Variants in INPP4A observed in about 807,000 individuals in gnomAD.
INPP4A encodes the protein inositol polyphosphate-4-phosphatase type I A, also known as inositol polyphosphate-4-phosphatase, type I, 107kD.
Under a neutral mutation model 119.8 loss-of-function variants are expected in INPP4A, and 33 were observed. That is an observed-to-expected ratio of 0.28 (90% CI 0.21 to 0.37). INPP4A has a LOEUF of 0.37. INPP4A is among the 10% of genes least tolerant of loss of function. INPP4A has a pLI of 1.00. For synonymous variants in INPP4A, 496 were observed against 500.7 expected (o/e 0.99, Z 0.12); for missense variants, 956 against 1,289.9 (o/e 0.74, Z 3.97).
At chr2:98,549,923 C>T (rs1020479231) in intron 13 of INPP4A, among the ~76,000 whole-genome samples, 4 of 152,152 alleles carry the variant, frequency 2.6e-5, no homozygotes, top group African/African-American at 9.7e-5. Context: ...GCCTCCCCTC[C>T]CTGCCTTTTC....
intron 1 of INPP4A, among the ~76,000 whole-genome samples, chr2:98,452,270 C>G (rs550698157): frequency 7.2e-5 from 11 of 152,258 alleles, no homozygotes; most frequent in African/African-American, 2.6e-4. Context: ...TTGGCTTAGG[C>G]TGGTGGTCCT....
chr2:98,517,719 A>T (rs543930291), intron 1 of INPP4A, among the ~76,000 whole-genome samples: 1 of 152,226 alleles, frequency 6.6e-6, no homozygotes, highest in East Asian at 1.9e-4. Flanking sequence ...GGGCATTTGG[A>T]TTGCTTTATT....
At chr2:98,503,014 C>T (rs1415370934) in intron 1 of INPP4A, among the ~76,000 whole-genome samples, 1 of 152,110 alleles carries the variant, frequency 6.6e-6, no homozygotes, top group African/African-American at 2.4e-5. Flanking sequence ...CTTTAGAACC[C>T]CTGGAGACCT....
intron 1 of INPP4A, among the ~76,000 whole-genome samples, chr2:98,488,381 G>A (rs1311709747): frequency 6.6e-6 from 1 of 152,180 alleles, no homozygotes. Context: ...AAATGGCAGC[G>A]GCAGCAAGAA....
In INPP4A at chr2:98,554,606, T is replaced by C; in HGVS notation, c.1566+117T>C. 1 of 865,280 alleles carries C rather than the reference T, an allele frequency of 1.2e-6. No individual in the cohort carries two copies. The highest frequency in any genetic ancestry group is 1.7e-5 in the South Asian group (1 of 59,202). The allele number at this position is 865,280 out of a possible 1,614,324, so 53.6% of individuals were successfully genotyped here. A position where few individuals can be genotyped will look rare whatever the true frequency, so the allele number is the denominator to read the frequency against. On this transcript the variant is annotated intron_variant, in intron 15 of 24. Coordinates refer to ENST00000409851, the MANE Select transcript of INPP4A (RefSeq NM_001134225.2). The surrounding 1 kb of genome is among the most constrained non-coding windows in gnomAD (Gnocchi z 4.7). ...CAAGGTTCAACTGCTGTGAACAAGC[T>C]CCAGGTTTCCTTCCTGGATGGCTCC... is the stretch of plus-strand genomic sequence containing the variant.
rs1178721390 is a variant in INPP4A, at chr2:98,533,427, G to A, written c.202G>A (p.Val68Ile). ...PSLDRKPNSF[V>I]AVSVTTPPQA... ...GCTAGATCGAAAGCCAAATAGTTTT[G>A]TTGCGGTGAGTGTCACCACCCCTCC... Residue 68 changes from valine (V) to isoleucine (I), a missense_variant, in exon 5 of 25, where the codon GTT (valine) becomes ATT (isoleucine). Physicochemically the swap from Val to Ile is conservative, Grantham distance 29. Transcript: ENST00000409851. The A allele has an allele frequency of 1.9e-6, 3 of 1,613,786 alleles. No homozygotes were observed. The South Asian group carries it at 3.3e-5, about 18-fold the overall frequency.
chr2:98,535,553 G>A (rs796094464), intron 5 of INPP4A, among the ~76,000 whole-genome samples, 176 bp from the exon 6 acceptor site: 20 of 150,346 alleles, frequency 1.3e-4, no homozygotes, highest in African/African-American at 4.8e-4. Flanking sequence ...CTTTTAAAAA[G>A]CAGAGTTTTT....
chr2:98,465,147 A>G (rs543073430), intron 1 of INPP4A, among the ~76,000 whole-genome samples: 195 of 152,296 alleles, frequency 1.3e-3, no homozygotes, highest in African/African-American at 4.4e-3. Context: ...AGCGAAAGGA[A>G]CTTATTCTCT....
At chr2:98,495,468 T>A (rs965213021) in intron 1 of INPP4A, among the ~76,000 whole-genome samples, 1 of 152,256 alleles carries the variant, frequency 6.6e-6, no homozygotes, top group Non-Finnish European at 1.5e-5. Flanking sequence ...AGATTTATTC[T>A]GAGCCAAATA....
In INPP4A at chr2:98,519,974, T is replaced by A; in HGVS notation, c.-75T>A. Reference sequence around the variant, plus strand: ...TACTGCCACTTTAGTGGACTAGGGCTCGGTGCCAGCACTTCCCGGGTAATC... The same window carrying A: ...TACTGCCACTTTAGTGGACTAGGGCACGGTGCCAGCACTTCCCGGGTAATC... On this transcript the variant is annotated 5_prime_UTR_variant, in exon 3 of 25. Coordinates refer to ENST00000409851, the MANE Select transcript of INPP4A (RefSeq NM_001134225.2). The A allele has an allele frequency of 2.5e-6, 3 of 1,214,456 alleles. No homozygotes were observed. The highest frequency in any genetic ancestry group is 3.6e-6 in the Non-Finnish European group (3 of 839,434). The allele number at this position is 1,214,456 out of a possible 1,614,324, so 75.2% of individuals were successfully genotyped here.
At position 98,488,503 on chromosome 2, in the gene INPP4A, G is replaced by A. The variant is rs113668825; in HGVS notation, c.-165-30461G>A. 3.8e-3 allele frequency among the ~76,000 whole-genome samples: 576 copies of A among 152,268 alleles called. 7 individuals are homozygous for A. The highest frequency in any genetic ancestry group is 0.013 in the African/African-American group (557 of 41,516). ...GCACCTCATTCGGAGTTCTGTACCC[G>A]AAATTGTCTCTGTCACGGTGATGTC... On this transcript the variant is annotated intron_variant, in intron 1 of 24. Transcript: ENST00000409851.
rs527645347 is a variant in INPP4A, at chr2:98,530,505, A to C, written c.152-2872A>C. On this transcript the variant is annotated intron_variant, in intron 4 of 24. Transcript: ENST00000409851. ...AGGCTAAATCTAAACCTCTAGAGTA[A>C]AGGAACCAGAAGCAGGTGTTCATAG... Among the ~76,000 whole-genome samples, 3 of 152,304 alleles carry C rather than the reference A, an allele frequency of 2.0e-5. No individual in the cohort carries two copies. The South Asian group carries it at 6.2e-4, about 32-fold the overall frequency.
At chr2:98,550,713 T>C (rs979568215) in intron 13 of INPP4A, among the ~76,000 whole-genome samples, 3 of 152,196 alleles carry the variant, frequency 2.0e-5, no homozygotes, top group Non-Finnish European at 4.4e-5. Flanking sequence ...CAGCACCTCT[T>C]TGAAATTTGC....
At chr2:98,514,041 C>T (rs748553913) in intron 1 of INPP4A, among the ~76,000 whole-genome samples, 8 of 152,122 alleles carry the variant, frequency 5.3e-5, no homozygotes, top group Non-Finnish European at 1.2e-4. Context: ...CTAGGGGACC[C>T]ATGGAAACGG....
intron 1 of INPP4A, among the ~76,000 whole-genome samples, chr2:98,502,301 G>T (rs750145695): frequency 2.0e-5 from 3 of 146,448 alleles, no homozygotes; most frequent in South Asian, 4.5e-4. Flanking sequence ...GTAAGTGGGG[G>T]CTTGAGGTGG....
At chr2:98,466,455 A>T (rs575677971) in intron 1 of INPP4A, among the ~76,000 whole-genome samples, 1 of 152,368 alleles carries the variant, frequency 6.6e-6, no homozygotes, top group Non-Finnish European at 1.5e-5. Context: ...AGTCACCGGC[A>T]TTTTTGGAAT....
chr2:98,590,939 A>G lies in INPP4A; in HGVS notation c.*3331A>G, dbSNP rs566364364. 8.6e-6 allele frequency: 2 copies of G among 231,536 alleles called. No homozygotes were observed. The highest frequency in any genetic ancestry group is 1.8e-4 in the South Asian group (1 of 5,510). 14.3% of individuals were successfully genotyped at this position (231,536 alleles called of 1,614,324 possible). On this transcript the variant is annotated 3_prime_UTR_variant, in exon 25 of 25. Transcript: ENST00000409851. ...TTACTGTGAACACTGAACATCTTTT[A>G]TACCTTTATGATATTTCTATGTTTG... is the stretch of plus-strand genomic sequence containing the variant.
rs138539229 is a variant in INPP4A at position 98,478,495 on chromosome 2, C to T, written c.-166+33410C>T. Among the ~76,000 whole-genome samples the T allele has an allele frequency of 3.7e-4, 57 of 152,308 alleles. 1 individual carries two copies. Among genetic ancestry groups the T allele is most frequent in the African/African-American group, 1.3e-3 (54 of 41,568 alleles). ...ACCTGCGCTGCTGTTAGAGTCAAGG[C>T]GAGGCAGGGCTGTGGGGGTAGGGGT... is the stretch of plus-strand genomic sequence containing the variant. On this transcript the variant is annotated intron_variant, in intron 1 of 24. Transcript: ENST00000409851.
chr2:98,505,099 A>G (rs1023913660), intron 1 of INPP4A, among the ~76,000 whole-genome samples: 1 of 152,226 alleles, frequency 6.6e-6, no homozygotes, highest in Non-Finnish European at 1.5e-5. Context: ...AAAGTACTAT[A>G]CTAATAACTT....
Sources: gnomAD v4.1 joint callset for allele counts (sites outside exome capture counted in the v4.1 genomes callset) on GRCh38, gnomAD v4.1.1 for gene constraint, Gnocchi (gnomAD v3.1) non-coding constraint, MANE v1.5 for transcripts, NCBI Gene and HGNC (gene_info 2026-07-23, HGNC 2026-07-21) for gene names.